Variants in FBXW7 observed in about 807,000 individuals in gnomAD.
The protein encoded by FBXW7 is F-box and WD repeat domain containing 7.
FBXW7 carries 11 observed loss-of-function variants against 86.3 expected under a neutral mutation model. The ratio of observed to expected loss-of-function variants is 0.13; its 90% CI spans 0.08 to 0.21. FBXW7 has a LOEUF of 0.21. Ranked by LOEUF, FBXW7 falls within the 10% of genes least tolerant of loss-of-function variation. FBXW7 has a pLI of 1.00. For synonymous variants in FBXW7, 313 were observed against 297.9 expected, an observed-to-expected ratio of 1.05 and a Z score of -0.52; for missense variants, 488 against 847.4, an observed-to-expected ratio of 0.58 and a Z score of 5.27.
chr4:152,407,660 T>C (rs985370407), intron 4 of FBXW7, among the ~76,000 whole-genome samples: 8 of 152,190 alleles, frequency 5.3e-5, no homozygotes, highest in Admixed American at 2.6e-4. Context: ...TTGTTCAGAA[T>C]TTATAGACAA....
At chr4:152,420,867 C>T (rs1472083351) in intron 2 of FBXW7, among the ~76,000 whole-genome samples, 2 of 152,096 alleles carry the variant, frequency 1.3e-5, no homozygotes, top group Non-Finnish European at 1.5e-5. Flanking sequence ...CTGTGATTTT[C>T]GGAATGACCA....
intron 2 of FBXW7, among the ~76,000 whole-genome samples, chr4:152,432,126 G>A (rs769633893): frequency 3.9e-5 from 6 of 152,072 alleles, no homozygotes; most frequent in Admixed American, 6.6e-5. Flanking sequence ...ATATTCTTCG[G>A]TCACAATTCT....
intron 2 of FBXW7, among the ~76,000 whole-genome samples, chr4:152,507,179 A>C (rs1472316563): frequency 6.6e-6 from 1 of 152,216 alleles, no homozygotes; most frequent in Non-Finnish European, 1.5e-5. Flanking sequence ...CTAATCAAAA[A>C]GGTAATCTGG....
rs554010319 is a variant in FBXW7, at chr4:152,321,548, T to A, written c.*1333A>T. On this transcript the variant is annotated 3_prime_UTR_variant, in exon 14 of 14. Transcript: ENST00000281708. Reference sequence around the variant, plus strand: ...TGGAGAATGAGGCAAACCATTTGACTGTTTCATTCATTTTGTTTGTTTGCA... The same window carrying A: ...TGGAGAATGAGGCAAACCATTTGACAGTTTCATTCATTTTGTTTGTTTGCA... 33 of 233,212 alleles carry A rather than the reference T, an allele frequency of 1.4e-4. No individual in the cohort carries two copies. In the East Asian group the frequency reaches 2.0e-3, roughly 14 times the overall value. The allele number at this position is 233,212 out of a possible 1,614,324, so 14.4% of individuals were successfully genotyped here.
At chr4:152,525,576 G>A (rs1183293510) in intron 2 of FBXW7, among the ~76,000 whole-genome samples, 1 of 152,114 alleles carries the variant, frequency 6.6e-6, no homozygotes, top group Non-Finnish European at 1.5e-5. Flanking sequence ...TCCTGCATTA[G>A]TGTGCTACGG....
intron 6 of FBXW7, among the ~76,000 whole-genome samples, chr4:152,345,114 A>G (rs547157326): frequency 7.9e-5 from 12 of 152,290 alleles, no homozygotes; most frequent in African/African-American, 2.9e-4. Context: ...GATGATAAAA[A>G]TCTTTAAATT....
chr4:152,327,541 C>T (rs1729160798), intron 11 of FBXW7, among the ~76,000 whole-genome samples: 1 of 151,964 alleles, frequency 6.6e-6, no homozygotes, highest in African/African-American at 2.4e-5. Context: ...AGCAAAGGCA[C>T]TGAGAAGAGA....
intron 4 of FBXW7, among the ~76,000 whole-genome samples, chr4:152,397,227 A>G (rs566588761): frequency 6.6e-6 from 1 of 152,154 alleles, no homozygotes; most frequent in Admixed American, 6.5e-5. Context: ...CTGAAACATA[A>G]CACAGAAATT....
At chr4:152,459,299 C>T (rs1007127843) in intron 2 of FBXW7, among the ~76,000 whole-genome samples, 26 of 152,288 alleles carry the variant, frequency 1.7e-4, no homozygotes, top group Middle Eastern at 3.4e-3. Flanking sequence ...TCCAATCAAG[C>T]TAATTCAATA....
At chr4:152,524,288 C>G (rs1055876313) in intron 2 of FBXW7, among the ~76,000 whole-genome samples, 2 of 152,144 alleles carry the variant, frequency 1.3e-5, no homozygotes, top group African/African-American at 4.8e-5. Context: ...GCTTGCCTCT[C>G]AGCTACTATG....
At chr4:152,501,229 G>C (rs1746917964) in intron 2 of FBXW7, among the ~76,000 whole-genome samples, 1 of 152,174 alleles carries the variant, frequency 6.6e-6, no homozygotes, top group Admixed American at 6.5e-5. Context: ...ACCATCTCTA[G>C]TGACTAGCAG....
intron 2 of FBXW7, among the ~76,000 whole-genome samples, chr4:152,414,383 G>A (rs376146365): frequency 9.2e-5 from 14 of 152,180 alleles, no homozygotes; most frequent in African/African-American, 3.1e-4. Flanking sequence ...TATGAGAGCT[G>A]CAACAAGAAG....
chr4:152,395,673 A>C (rs1007221736), intron 4 of FBXW7, among the ~76,000 whole-genome samples: 5 of 152,046 alleles, frequency 3.3e-5, no homozygotes, highest in African/African-American at 9.7e-5. Flanking sequence ...CTTCCACTCC[A>C]AACAACCCAA....
At chr4:152,352,885 A>G in intron 4 of FBXW7, 2 of 1,454,790 alleles carry the variant, frequency 1.4e-6, no homozygotes, top group Non-Finnish European at 1.8e-6. Context: ...TGAACACAGA[A>G]TGGTGCAGTC....
At chr4:152,437,582 C>T (rs1259791052) in intron 2 of FBXW7, among the ~76,000 whole-genome samples, 1 of 152,120 alleles carries the variant, frequency 6.6e-6, no homozygotes, top group African/African-American at 2.4e-5. Context: ...ATACTGCATA[C>T]ACTTAATTGA....
chr4:152,376,478 A>G (rs1241920341), intron 4 of FBXW7, among the ~76,000 whole-genome samples: 6 of 152,206 alleles, frequency 3.9e-5, no homozygotes, highest in African/African-American at 1.4e-4. Flanking sequence ...CCAACAGTCT[A>G]CTACAGGAGT....
chr4:152,393,817 C>G (rs571383022), intron 4 of FBXW7, among the ~76,000 whole-genome samples: 1 of 152,096 alleles, frequency 6.6e-6, no homozygotes, highest in Admixed American at 6.6e-5. Flanking sequence ...GAGAAACTAC[C>G]TTTTGCATCA....
chr4:152,369,565 A>G (rs1173619602), intron 4 of FBXW7, among the ~76,000 whole-genome samples: 1 of 152,078 alleles, frequency 6.6e-6, no homozygotes, highest in Admixed American at 6.6e-5. Flanking sequence ...TTTTGTAATA[A>G]AGTTTGTAAT....
chr4:152,436,758 T>C (rs1740419458), intron 2 of FBXW7, among the ~76,000 whole-genome samples: 1 of 152,178 alleles, frequency 6.6e-6, no homozygotes, highest in African/African-American at 2.4e-5. Context: ...CTAAATATAC[T>C]CTCCCTGTGC....
Sources: allele counts gnomAD v4.1 joint callset (sites outside exome capture counted in the v4.1 genomes callset), GRCh38; gene constraint gnomAD v4.1.1; transcripts MANE v1.5; gene names NCBI Gene and HGNC (gene_info 2026-07-23, HGNC 2026-07-21).